Variants in PARVA observed in about 807,000 individuals in gnomAD.
PARVA encodes the protein parvin alpha, also known as alpha-parvin.
PARVA carries 25 observed loss-of-function variants against 52.6 expected under a neutral mutation model. That is an observed-to-expected ratio of 0.48 (90% CI 0.35 to 0.66). The LOEUF (loss-of-function observed/expected upper bound fraction) is 0.66. Ranked by LOEUF, PARVA falls within the 30% of genes least tolerant of loss-of-function variation. The pLI is 0.01. For missense variants in PARVA, 373 were observed against 450.9 expected, an observed-to-expected ratio of 0.83 and a Z score of 1.56; for synonymous variants, 185 against 179.1, an observed-to-expected ratio of 1.03 and a Z score of -0.26.
chr11:12,385,387 G>A (rs1398409518), intron 1 of PARVA, among the ~76,000 whole-genome samples: 1 of 152,154 alleles, frequency 6.6e-6, no homozygotes, highest in Non-Finnish European at 1.5e-5. Flanking sequence ...TGGTAGTGCT[G>A]AGGAACAGAG....
intron 6 of PARVA, among the ~76,000 whole-genome samples, chr11:12,505,691 C>T (rs1941424193): frequency 6.6e-6 from 1 of 152,204 alleles, no homozygotes; most frequent in Admixed American, 6.5e-5. Flanking sequence ...TTGTCTCAAA[C>T]ATGGCACTAA....
At chr11:12,416,025 G>A (rs1250187533) in intron 1 of PARVA, among the ~76,000 whole-genome samples, 1 of 152,176 alleles carries the variant, frequency 6.6e-6, no homozygotes, top group East Asian at 1.9e-4. Context: ...ACCTCCATTT[G>A]TTTTCCCTTT....
In PARVA at chr11:12,529,840, A is replaced by G. The variant is rs1941749645; in HGVS notation, c.*1915A>G. On this transcript the variant is annotated 3_prime_UTR_variant, in exon 13 of 13. Transcript: ENST00000334956. ...GTACTGTTTTGTGTTGATCTATGTA[A>G]AAGAATACAATTCTTTTTTACATAA... 1 of 152,208 alleles carries G rather than the reference A, an allele frequency of 6.6e-6. No homozygotes were observed. Among genetic ancestry groups the G allele is most frequent in the African/African-American group, 2.4e-5 (1 of 41,458 alleles). 9.4% of individuals were successfully genotyped at this position (152,208 alleles called of 1,614,324 possible). A position where few individuals can be genotyped will look rare whatever the true frequency, so the allele number is the denominator to read the frequency against.
intron 8 of PARVA, chr11:12,513,084 TGCACGG>T: frequency 1.5e-6 from 1 of 684,076 alleles, no homozygotes; most frequent in Non-Finnish European, 2.7e-6. Context: ...AATGTACACA[TGCACGG>T]ACACAGACAC....
chr11:12,404,024 T>G (rs1203410959), intron 1 of PARVA, among the ~76,000 whole-genome samples: 1 of 152,136 alleles, frequency 6.6e-6, no homozygotes, highest in Non-Finnish European at 1.5e-5. Context: ...TATTTCCAAT[T>G]TATTCTAGGG....
intron 4 of PARVA, among the ~76,000 whole-genome samples, chr11:12,493,125 G>T (rs1442325273): frequency 6.6e-6 from 1 of 151,990 alleles, no homozygotes; most frequent in South Asian, 2.1e-4. Context: ...GGAGGCTGAG[G>T]TGGGTGGATC....
At chr11:12,407,393 T>C (rs148215577) in intron 1 of PARVA, among the ~76,000 whole-genome samples, 66 of 152,306 alleles carry the variant, frequency 4.3e-4, no homozygotes, top group African/African-American at 1.5e-3. Context: ...GGAAAGCCCA[T>C]AGACATGTAC....
At chr11:12,501,915 A>G (rs764364644) in intron 5 of PARVA, among the ~76,000 whole-genome samples, 3 of 152,132 alleles carry the variant, frequency 2.0e-5, no homozygotes, top group Admixed American at 6.6e-5. Flanking sequence ...CAACTTTTCT[A>G]GCATTATATT....
chr11:12,446,912 A>C (rs1426592), intron 1 of PARVA, among the ~76,000 whole-genome samples: 77,503 of 152,056 alleles, frequency 0.51, 20,574 homozygotes, highest in South Asian at 0.72. Context: ...CTATAAGTCT[A>C]TAGGTTAAGT....
At chr11:12,447,434 G>A (rs1940562797) in intron 1 of PARVA, among the ~76,000 whole-genome samples, 1 of 152,202 alleles carries the variant, frequency 6.6e-6, no homozygotes, top group African/African-American at 2.4e-5. Flanking sequence ...GAGAGAGAGA[G>A]GGACCAGAGC....
chr11:12,526,570 C>G (rs540388043), intron 12 of PARVA, among the ~76,000 whole-genome samples: 120 of 152,264 alleles, frequency 7.9e-4, no homozygotes, highest in African/African-American at 2.6e-3. Context: ...AGCCACCACC[C>G]AGGACAAAGA....
chr11:12,443,357 A>T (rs1940496731), intron 1 of PARVA, among the ~76,000 whole-genome samples: 1 of 149,836 alleles, frequency 6.7e-6, no homozygotes, highest in Non-Finnish European at 1.5e-5. Flanking sequence ...ATTTCAGTAG[A>T]GACGGGGTTT....
chr11:12,393,685 A>G lies in PARVA; in HGVS notation c.136+15902A>G, dbSNP rs979728332. Among the ~76,000 whole-genome samples the G allele has an allele frequency of 4.6e-5, 7 of 152,180 alleles. No individual in the cohort carries two copies. The South Asian group carries it at 1.2e-3, about 27-fold the overall frequency. On this transcript the variant is annotated intron_variant, in intron 1 of 12. Coordinates refer to ENST00000334956, the MANE Select transcript of PARVA (RefSeq NM_018222.5). Reference sequence around the variant, plus strand: ...CATCTGCCACTTCCCACTGGCCAGAACTCAGCTATGTGGCCACACCTAAGT... The same window carrying G: ...CATCTGCCACTTCCCACTGGCCAGAGCTCAGCTATGTGGCCACACCTAAGT...
intron 1 of PARVA, among the ~76,000 whole-genome samples, chr11:12,401,119 C>T (rs190382481): frequency 1.1e-4 from 16 of 152,320 alleles, no homozygotes; most frequent in African/African-American, 3.4e-4. Context: ...TATTCCATCA[C>T]GGTCGATTCC....
chr11:12,474,448 C>T (rs565552424), intron 3 of PARVA, among the ~76,000 whole-genome samples: 5 of 152,058 alleles, frequency 3.3e-5, no homozygotes, highest in Admixed American at 1.3e-4. Flanking sequence ...TACGTACCTG[C>T]GCAGTGGCTG....
At chr11:12,385,324 G>A (rs1216221078) in intron 1 of PARVA, among the ~76,000 whole-genome samples, 7 of 152,120 alleles carry the variant, frequency 4.6e-5, no homozygotes, top group African/African-American at 1.7e-4. Flanking sequence ...GCAAGACCCT[G>A]TCTCAATAAA....
At chr11:12,517,736 G>A (rs1941588504) in intron 11 of PARVA, 25 bp downstream of exon 11, 1 of 1,501,704 alleles carries the variant, frequency 6.7e-7, no homozygotes, top group Non-Finnish European at 9.1e-7. Flanking sequence ...CATCAAGGGA[G>A]GCCCCCTAGC....
chr11:12,533,689 C>T lies in PARVA; in HGVS notation c.*5764C>T, dbSNP rs1425918452. On this transcript the variant is annotated 3_prime_UTR_variant, in exon 13 of 13. Coordinates refer to ENST00000334956, the MANE Select transcript of PARVA (RefSeq NM_018222.5). ...CATTATATACTATATCCTTACCATA[C>T]GGTAAGCTAGAGAAAAAATGTTACT... Among the ~76,000 whole-genome samples, 4 of 151,808 alleles carry T rather than the reference C, an allele frequency of 2.6e-5. No individual in the cohort carries two copies. The highest frequency in any genetic ancestry group is 6.6e-5 in the Admixed American group (1 of 15,258).
At chr11:12,503,332 G>A (rs1941386112) in intron 5 of PARVA, among the ~76,000 whole-genome samples, 1 of 152,190 alleles carries the variant, frequency 6.6e-6, no homozygotes, top group Admixed American at 6.5e-5. Context: ...GCAGTCTTGA[G>A]ACAAGGGTAG....
Sources: allele counts gnomAD v4.1 joint callset (sites outside exome capture counted in the v4.1 genomes callset), GRCh38; gene constraint gnomAD v4.1.1; transcripts MANE v1.5; gene names NCBI Gene and HGNC (gene_info 2026-07-23, HGNC 2026-07-21).